The following TMEM178A variants were observed in gnomAD, a reference collection of about 807,000 sequenced individuals.
TMEM178A encodes the protein transmembrane protein 178.
Under a neutral mutation model 29.1 loss-of-function variants are expected in TMEM178A, and 12 were observed. The observed-to-expected ratio is 0.41, with a 90% CI of 0.26 to 0.67. The LOEUF (loss-of-function observed/expected upper bound fraction) is 0.67. TMEM178A is among the 30% of genes least tolerant of loss of function. The pLI is 0.29. For missense variants in TMEM178A, 366 were observed against 419.1 expected, an observed-to-expected ratio of 0.87 and a Z score of 1.11; for synonymous variants, 210 against 187.2, an observed-to-expected ratio of 1.12 and a Z score of -0.99.
intron 3 of TMEM178A, among the ~76,000 whole-genome samples, chr2:39,709,384 A>C (rs1438242553): frequency 6.6e-6 from 1 of 152,246 alleles, no homozygotes; most frequent in Non-Finnish European, 1.5e-5. Context: ...AGTTCTCAGC[A>C]GAAAACCAAT....
the TMEM178A span, among the ~76,000 whole-genome samples, chr2:39,730,122 A>G: frequency 2.6e-5 from 4 of 152,154 alleles, no homozygotes; most frequent in African/African-American, 9.7e-5. Flanking sequence ...GTTTCTGTCC[A>G]GTGGAATCAA....
the TMEM178A span, among the ~76,000 whole-genome samples, chr2:39,732,847 G>A: frequency 6.6e-6 from 1 of 152,190 alleles, no homozygotes; most frequent in Non-Finnish European, 1.5e-5. Flanking sequence ...ATGAGTCAGA[G>A]CAGCAAATCC....
At chr2:39,665,889 G>A, upstream of TMEM178A, 9 of 1,210,190 alleles carry the variant, frequency 7.4e-6, no homozygotes, top group African/African-American at 1.6e-5. Context: ...GGAAGAGGGA[G>A]GGAGCGGGCG....
intron 3 of TMEM178A, among the ~76,000 whole-genome samples, chr2:39,707,490 G>C (rs1193188081): frequency 6.6e-6 from 1 of 151,086 alleles, no homozygotes; most frequent in Non-Finnish European, 1.5e-5. Flanking sequence ...TTGTTTTTTT[G>C]AGATGGAGTC....
intron 3 of TMEM178A, among the ~76,000 whole-genome samples, chr2:39,710,435 CT>C (rs918277268): frequency 2.4e-4 from 36 of 152,136 alleles, no homozygotes; most frequent in African/African-American, 7.0e-4. Context: ...CATGTATTTG[CT>C]TCACTGTAAA....
At chr2:39,668,258 A>G (rs960917931) in intron 1 of TMEM178A, among the ~76,000 whole-genome samples, 6 of 152,244 alleles carry the variant, frequency 3.9e-5, no homozygotes, top group Non-Finnish European at 8.8e-5. Flanking sequence ...AATCTTTCTG[A>G]CAAATGGTTG....
chr2:39,677,686 G>T (rs1435161055), intron 1 of TMEM178A, among the ~76,000 whole-genome samples: 2 of 152,096 alleles, frequency 1.3e-5, no homozygotes, highest in Admixed American at 6.5e-5. Context: ...ATCTCAGCAG[G>T]AATGTTCAAG....
At chr2:39,675,785 A>G (rs1670598008) in intron 1 of TMEM178A, among the ~76,000 whole-genome samples, 1 of 151,592 alleles carries the variant, frequency 6.6e-6, no homozygotes, top group Non-Finnish European at 1.5e-5. Context: ...CTTAAAAACG[A>G]TTTTCTTTTT....
At chr2:39,679,459 T>G (rs1411921892) in intron 1 of TMEM178A, among the ~76,000 whole-genome samples, 1 of 152,008 alleles carries the variant, frequency 6.6e-6, no homozygotes, top group African/African-American at 2.4e-5. Flanking sequence ...CACTTTTTTT[T>G]GAAGTATTCA....
chr2:39,704,231 T>C (rs1671928784), intron 2 of TMEM178A, 37 bp downstream of exon 2: 1 of 1,581,238 alleles, frequency 6.3e-7, no homozygotes, highest in African/African-American at 1.3e-5. Context: ...GAGGAAATGG[T>C]GTCATTCTGA....
At chr2:39,696,123 C>A (rs1007868547) in intron 1 of TMEM178A, among the ~76,000 whole-genome samples, 3 of 152,106 alleles carry the variant, frequency 2.0e-5, no homozygotes, top group African/African-American at 7.2e-5. Flanking sequence ...CTTCACACAG[C>A]AAATTTATCT....
intron 1 of TMEM178A, among the ~76,000 whole-genome samples, chr2:39,693,763 G>T (rs1671424625): frequency 6.6e-6 from 1 of 152,114 alleles, no homozygotes. Flanking sequence ...TGCCAAGATG[G>T]TTCTGAGAAG....
In TMEM178A at chr2:39,717,266, C is replaced by T; in HGVS notation, c.*15C>T. 2 of 1,612,182 alleles carry T rather than the reference C, an allele frequency of 1.2e-6. No individual in the cohort carries two copies. The highest frequency in any genetic ancestry group is 1.7e-6 in the Non-Finnish European group (2 of 1,179,126). On this transcript the variant is annotated 3_prime_UTR_variant, in exon 4 of 4. Transcript: ENST00000281961. ...CCACGGTATGACTGTCCTCACTGGG[C>T]CTGTCCACAGTGCGAGCGACTCCTG...
At chr2:39,708,843 G>T (rs72936018) in intron 3 of TMEM178A, among the ~76,000 whole-genome samples, 1 of 152,192 alleles carries the variant, frequency 6.6e-6, no homozygotes, top group Admixed American at 6.5e-5. Flanking sequence ...AACACTGACC[G>T]AAGGTAGCTT....
intron 3 of TMEM178A, among the ~76,000 whole-genome samples, chr2:39,709,216 G>A (rs950026160): frequency 1.3e-5 from 2 of 152,224 alleles, no homozygotes; most frequent in Non-Finnish European, 2.9e-5. Flanking sequence ...CCACCCTGCA[G>A]CCTTAAGGAA....
At chr2:39,689,471 T>C (rs547420861) in intron 1 of TMEM178A, among the ~76,000 whole-genome samples, 1 of 152,314 alleles carries the variant, frequency 6.6e-6, no homozygotes, top group East Asian at 1.9e-4. Flanking sequence ...GTTTGTTGAA[T>C]GAATGAGTGA....
rs182711713 is a variant in TMEM178A, at chr2:39,717,311, C to G, written c.*60C>G. ...CTCCTGAGGGGAACAGCGCGGAGTT[C>G]AGGAGTCCAAGCACAAAGCGGTCTT... On this transcript the variant is annotated 3_prime_UTR_variant, in exon 4 of 4. Coordinates refer to ENST00000281961, the MANE Select transcript of TMEM178A (RefSeq NM_152390.3). The G allele has an allele frequency of 1.3e-4, 195 of 1,557,912 alleles. 1 individual carries two copies. In the Admixed American group the frequency reaches 3.5e-3, roughly 28 times the overall value.
chr2:39,665,911 C>A (rs1160866090), upstream of TMEM178A: 6 of 1,299,836 alleles, frequency 4.6e-6, no homozygotes, highest in Non-Finnish European at 4.9e-6. Context: ...AGAGCTGGGG[C>A]CAAGTGCATT....
the TMEM178A span, among the ~76,000 whole-genome samples, chr2:39,726,302 G>C: frequency 6.6e-6 from 1 of 152,192 alleles, no homozygotes; most frequent in African/African-American, 2.4e-5. Context: ...TTTGCACAGA[G>C]AGCCTGAGCA....
Sources: gnomAD v4.1 joint callset for allele counts (sites outside exome capture counted in the v4.1 genomes callset) on GRCh38, gnomAD v4.1.1 for gene constraint, MANE v1.5 for transcripts, NCBI Gene and HGNC (gene_info 2026-07-23, HGNC 2026-07-21) for gene names.